HCRTR2: variants seen among roughly 807,000 people sequenced by gnomAD.
HCRTR2 encodes hypocretin receptor 2.
A neutral mutation model predicts 49.0 loss-of-function variants in HCRTR2; 22 were observed. That is an observed-to-expected ratio of 0.45 (90% CI 0.32 to 0.64). The LOEUF (loss-of-function observed/expected upper bound fraction) is 0.64. Among genes scored for constraint, HCRTR2 ranks in the 30% least tolerant of loss-of-function variants. HCRTR2 has a pLI of 0.04. For synonymous variants in HCRTR2, 236 were observed against 205.3 expected, an observed-to-expected ratio of 1.15 and a Z score of -1.28; for missense variants, 491 against 559.4, an observed-to-expected ratio of 0.88 and a Z score of 1.23.
At chr6:55,127,830 C>A (rs1373320590) in intron 1 of HCRTR2, among the ~76,000 whole-genome samples, 1 of 151,972 alleles carries the variant, frequency 6.6e-6, no homozygotes, top group Non-Finnish European at 1.5e-5. Context: ...ACATTTATCA[C>A]TAGATGAATA....
intron 1 of HCRTR2, among the ~76,000 whole-genome samples, chr6:55,125,018 G>A (rs57910745): frequency 0.012 from 1,751 of 151,586 alleles, 27 homozygotes; most frequent in African/African-American, 0.039. Flanking sequence ...TTGCACATGA[G>A]ATGGGTCTCC....
At chr6:55,187,549 T>C (rs957478648) in intron 1 of HCRTR2, among the ~76,000 whole-genome samples, 18 of 151,548 alleles carry the variant, frequency 1.2e-4, no homozygotes. Flanking sequence ...AAATCAGTAA[T>C]GAACAAAATT....
rs536063247 is a variant in HCRTR2, at chr6:55,149,208, GTT to G, written c.-377-25000_-377-24999del. 2.1e-3 allele frequency among the ~76,000 whole-genome samples: 326 copies of G among 151,968 alleles called. 2 individuals are homozygous for G. Among genetic ancestry groups the G allele is most frequent in the Non-Finnish European group, 3.9e-3 (262 of 67,900 alleles). ...TTATTTTTTTTCTCAACCAAATACA[GTT>G]TTGTTTTGTGGAAAAAATTACTTTA... is the stretch of plus-strand genomic sequence containing the variant. On this transcript the variant is annotated intron_variant, in intron 1 of 7. Coordinates refer to the HCRTR2 transcript ENST00000615358.
intron 2 of HCRTR2, among the ~76,000 whole-genome samples, chr6:55,249,352 A>T (rs941440570): frequency 6.6e-6 from 1 of 152,146 alleles, no homozygotes; most frequent in African/African-American, 2.4e-5. Flanking sequence ...AGTGCCATGA[A>T]CAGGTTTTAG....
chr6:55,281,583 A>G (rs1323064392), intron 6 of HCRTR2, among the ~76,000 whole-genome samples: 1 of 152,216 alleles, frequency 6.6e-6, no homozygotes, highest in East Asian at 1.9e-4. Context: ...AGAAGAAATG[A>G]TTCGCAATAC....
In HCRTR2 at chr6:55,135,627, G is replaced by A. The variant is rs144921093; in HGVS notation, c.-378+29082G>A. On this transcript the variant is annotated intron_variant, in intron 1 of 7. Transcript: ENST00000615358. The stretch of plus-strand genomic sequence containing the variant: ...AGACAATAGATAAGTAAGCCTTATA[G>A]TACTTGCTATATCTTGATCCCCTTT... 6.3e-3 allele frequency among the ~76,000 whole-genome samples: 961 copies of A among 152,212 alleles called. 7 individuals carry two copies. Among genetic ancestry groups the A allele is most frequent in the Non-Finnish European group, 8.6e-3 (585 of 67,964 alleles).
intron 1 of HCRTR2, among the ~76,000 whole-genome samples, chr6:55,232,163 T>C (rs573286569): frequency 6.6e-6 from 1 of 152,334 alleles, no homozygotes; most frequent in African/African-American, 2.4e-5. Flanking sequence ...CATCCCCTCT[T>C]TGTCAATGTG....
At chr6:55,279,666 A>G (rs1416497731) in intron 5 of HCRTR2, among the ~76,000 whole-genome samples, 1 of 152,122 alleles carries the variant, frequency 6.6e-6, no homozygotes, top group Non-Finnish European at 1.5e-5. Flanking sequence ...ATTAGAATTT[A>G]TAGATGGAAT....
chr6:55,115,100 T>G (rs1178917291), intron 1 of HCRTR2, among the ~76,000 whole-genome samples: 2 of 151,830 alleles, frequency 1.3e-5, no homozygotes, highest in Admixed American at 1.3e-4. Flanking sequence ...GTGTACTACC[T>G]TAGCATAGTT....
intron 4 of HCRTR2, among the ~76,000 whole-genome samples, chr6:55,272,524 C>T (rs1249195412): frequency 2.0e-5 from 3 of 151,330 alleles, no homozygotes; most frequent in Non-Finnish European, 2.9e-5. Context: ...TGAATTATAT[C>T]GCAATAAAAT....
At chr6:55,132,323 G>A (rs2127247218) in intron 1 of HCRTR2, among the ~76,000 whole-genome samples, 1 of 151,932 alleles carries the variant, frequency 6.6e-6, no homozygotes, top group African/African-American at 2.4e-5. Flanking sequence ...GTAGCAAGTA[G>A]GTTTTAGCCT....
intron 1 of HCRTR2, among the ~76,000 whole-genome samples, chr6:55,138,502 A>G (rs991948415): frequency 2.6e-5 from 4 of 152,224 alleles, no homozygotes; most frequent in African/African-American, 9.6e-5. Context: ...CAATATGCGC[A>G]TGCTGCTTGC....
At chr6:55,245,811 T>C (rs2127309751) in intron 1 of HCRTR2, among the ~76,000 whole-genome samples, 1 of 152,064 alleles carries the variant, frequency 6.6e-6, no homozygotes, top group South Asian at 2.1e-4. Context: ...TGTTGTTAAA[T>C]ACTTGAATGA....
At chr6:55,177,486 G>C (rs1428371335) in intron 1 of HCRTR2, among the ~76,000 whole-genome samples, 1 of 152,062 alleles carries the variant, frequency 6.6e-6, no homozygotes, top group African/African-American at 2.4e-5. Context: ...TAGAGTGGTA[G>C]GACAGGATGT....
chr6:55,169,620 G>A (rs890756985), upstream of HCRTR2, among the ~76,000 whole-genome samples: 1 of 152,110 alleles, frequency 6.6e-6, no homozygotes, highest in Admixed American at 6.6e-5. Context: ...TTGGAGCCTA[G>A]AGGTGCCAGA....
chr6:55,164,389 G>C (rs918196101), intron 1 of HCRTR2, among the ~76,000 whole-genome samples: 1 of 152,118 alleles, frequency 6.6e-6, no homozygotes, highest in East Asian at 1.9e-4. Context: ...GTCCATCAAT[G>C]ATAGACTAGA....
At chr6:55,179,726 A>C (rs1323443867) in intron 1 of HCRTR2, among the ~76,000 whole-genome samples, 1 of 152,216 alleles carries the variant, frequency 6.6e-6, no homozygotes, top group Non-Finnish European at 1.5e-5. Context: ...TCCAGTTTTT[A>C]GAAAACTGTC....
intron 1 of HCRTR2, among the ~76,000 whole-genome samples, chr6:55,164,865 C>T (rs1764854747): frequency 6.6e-6 from 1 of 152,026 alleles, no homozygotes; most frequent in Non-Finnish European, 1.5e-5. Context: ...TATGTGACCT[C>T]TCAGATGGAG....
intron 1 of HCRTR2, among the ~76,000 whole-genome samples, chr6:55,222,467 C>CA (rs989613357): frequency 6.6e-6 from 1 of 152,020 alleles, no homozygotes. Context: ...AACAGGAACT[C>CA]AAAGAGATAT....
Sources: gnomAD v4.1 joint callset for allele counts (sites outside exome capture counted in the v4.1 genomes callset) on GRCh38, gnomAD v4.1.1 for gene constraint, MANE v1.5 for transcripts, NCBI Gene and HGNC (gene_info 2026-07-23, HGNC 2026-07-21) for gene names.